The following CREB5 variants were observed in gnomAD, a reference collection of about 807,000 sequenced individuals.
CREB5 encodes the protein cyclic AMP-responsive element-binding protein 5.
A neutral mutation model predicts 57.1 loss-of-function variants in CREB5; 19 were observed. The ratio of observed to expected loss-of-function variants is 0.33; its 90% confidence interval spans 0.23 to 0.49. The LOEUF (loss-of-function observed/expected upper bound fraction) is 0.49, where lower values mean the gene tolerates loss of function less well. Among genes scored for constraint, CREB5 ranks in the 20% least tolerant of loss-of-function variants. The pLI is 0.99. For synonymous variants in CREB5, 238 were observed against 238.3 expected (o/e 1.00, Z 0.01); for missense variants, 579 against 671.6 (o/e 0.86, Z 1.52).
intron 5 of CREB5, among the ~76,000 whole-genome samples, chr7:28,627,726 G>A (rs528010391): frequency 5.9e-5 from 9 of 152,002 alleles, no homozygotes; most frequent in South Asian, 2.1e-4. Flanking sequence ...CCTCTACCCC[G>A]CACCCCTGGA....
chr7:28,465,745 T>C (rs1226757572), intron 1 of CREB5, among the ~76,000 whole-genome samples: 2 of 152,236 alleles, frequency 1.3e-5, no homozygotes, highest in Non-Finnish European at 2.9e-5. Context: ...TTGTAAAGTG[T>C]TAAAACTCTA....
intron 1 of CREB5, among the ~76,000 whole-genome samples, chr7:28,429,866 G>T (rs947926767): frequency 6.6e-6 from 1 of 152,170 alleles, no homozygotes; most frequent in Non-Finnish European, 1.5e-5. Flanking sequence ...AGGGTTAGAG[G>T]CGTTGTGTCG....
At chr7:28,416,378 C>T (rs1788026464) in intron 1 of CREB5, among the ~76,000 whole-genome samples, 1 of 152,172 alleles carries the variant, frequency 6.6e-6, no homozygotes, top group Non-Finnish European at 1.5e-5. Flanking sequence ...TTTGAATTAG[C>T]TGACTATTAG....
intron 4 of CREB5, among the ~76,000 whole-genome samples, chr7:28,560,951 CGTGTGTGTGCGTGTGT>C (rs1562798078): frequency 2.6e-5 from 1 of 38,950 alleles, no homozygotes; most frequent in African/African-American, 8.2e-5. Context: ...CGTGTGTGTG[CGTGTGTGTGCGTGTGT>C]GTGTGCGTGT....
chr7:28,708,020 C>T (rs1255631533), intron 5 of CREB5, among the ~76,000 whole-genome samples: 1 of 152,184 alleles, frequency 6.6e-6, no homozygotes, highest in African/African-American at 2.4e-5. Context: ...CCCCTTCTCC[C>T]CATGATGCCT....
chr7:28,583,704 G>GT (rs1289738882), intron 5 of CREB5, among the ~76,000 whole-genome samples: 2 of 151,962 alleles, frequency 1.3e-5, no homozygotes, highest in African/African-American at 4.8e-5. Context: ...TTGAGATGGA[G>GT]TTTCGCTCTT....
intron 4 of CREB5, among the ~76,000 whole-genome samples, chr7:28,519,002 G>T (rs1793093215): frequency 1.3e-5 from 2 of 152,182 alleles, no homozygotes; most frequent in Non-Finnish European, 2.9e-5. Context: ...TGGTTCCTAG[G>T]TAGGGGTTGT....
At chr7:28,528,061 A>G (rs752498973) in intron 4 of CREB5, among the ~76,000 whole-genome samples, 5 of 152,210 alleles carry the variant, frequency 3.3e-5, no homozygotes, top group African/African-American at 1.2e-4. Flanking sequence ...ATTGCCTTGC[A>G]CATAGAATAT....
chr7:28,682,686 G>A lies in CREB5; in HGVS notation c.465-36067G>A, dbSNP rs191788001. ...GAATAAATTCAAACCTAAAAGTGGG[G>A]GGGGGGGGAAACCCCAGCTCTCTCT... On this transcript the variant is annotated intron_variant, in intron 5 of 10. Transcript: ENST00000357727. 2.2e-4 allele frequency among the ~76,000 whole-genome samples: 33 copies of A among 147,554 alleles called. 1 individual carries two copies. Among genetic ancestry groups the A allele is most frequent in the African/African-American group, 6.2e-4 (25 of 40,080 alleles).
intron 5 of CREB5, among the ~76,000 whole-genome samples, chr7:28,651,400 A>C (rs1583481351): frequency 6.6e-6 from 1 of 152,112 alleles, no homozygotes; most frequent in East Asian, 1.9e-4. Context: ...TTAATGTCAT[A>C]GCAGCATATA....
intron 1 of CREB5, among the ~76,000 whole-genome samples, chr7:28,312,204 A>AG (rs1554301408): frequency 4.0e-5 from 6 of 151,238 alleles, no homozygotes; most frequent in African/African-American, 1.2e-4. Context: ...AAAAAAAAAA[A>AG]GTGGAATTTT....
At chr7:28,548,684 CAT>C (rs754999845) in intron 4 of CREB5, among the ~76,000 whole-genome samples, 233 of 152,292 alleles carry the variant, frequency 1.5e-3, no homozygotes, top group Non-Finnish European at 2.8e-3. Context: ...CTTTGGAAAA[CAT>C]AGCAGATTCT....
intron 5 of CREB5, among the ~76,000 whole-genome samples, chr7:28,629,450 G>A (rs1251710412): frequency 2.0e-5 from 3 of 152,198 alleles, no homozygotes; most frequent in Non-Finnish European, 4.4e-5. Context: ...AGAGCAGAGA[G>A]GATCTGGGGC....
Position 28,798,930 on chromosome 7 carries a change from G to T in CREB5, c.703-5269G>T, listed in dbSNP as rs114117368. Reference sequence around the variant, plus strand: ...ACAAGACACAGTCCAGCTTCAAAAAGAAAAATCATTCTGCAAAATACAGCT... The same window carrying T: ...ACAAGACACAGTCCAGCTTCAAAAATAAAAATCATTCTGCAAAATACAGCT... On this transcript the variant is annotated intron_variant, in intron 7 of 10. Transcript: ENST00000357727. Among the ~76,000 whole-genome samples, 467 of 152,246 alleles carry T rather than the reference G, an allele frequency of 3.1e-3. 2 individuals are homozygous for T. The highest frequency in any genetic ancestry group is 0.011 in the African/African-American group (448 of 41,550).
At chr7:28,415,008 C>T (rs1220277450) in intron 1 of CREB5, among the ~76,000 whole-genome samples, 1 of 152,068 alleles carries the variant, frequency 6.6e-6, no homozygotes, top group Non-Finnish European at 1.5e-5. Context: ...CCCCTCACCC[C>T]CTGAGAAATA....
chr7:28,300,360 C>A (rs1244798673), intron 1 of CREB5, among the ~76,000 whole-genome samples: 1 of 152,180 alleles, frequency 6.6e-6, no homozygotes, highest in Non-Finnish European at 1.5e-5. Flanking sequence ...GTCAAGGCAG[C>A]TTGGTGAAAA....
intron 4 of CREB5, among the ~76,000 whole-genome samples, chr7:28,516,521 G>A (rs1024629373): frequency 8.5e-5 from 13 of 152,170 alleles, no homozygotes; most frequent in Non-Finnish European, 1.8e-4. Flanking sequence ...AGCTCCGCAG[G>A]CACCGCCCTC....
At chr7:28,460,244 A>G (rs2128574680) in intron 1 of CREB5, among the ~76,000 whole-genome samples, 1 of 152,348 alleles carries the variant, frequency 6.6e-6, no homozygotes, top group East Asian at 1.9e-4. Flanking sequence ...GGGGGAGCAG[A>G]GATAGAAATG....
intron 5 of CREB5, among the ~76,000 whole-genome samples, chr7:28,638,135 A>G (rs1798496828): frequency 6.6e-6 from 1 of 151,980 alleles, no homozygotes; most frequent in Non-Finnish European, 1.5e-5. Context: ...CTTGTTTTGT[A>G]TGCCAAATGA....
Sources: allele counts gnomAD v4.1 joint callset (sites outside exome capture counted in the v4.1 genomes callset), GRCh38; gene constraint gnomAD v4.1.1; transcripts MANE v1.5; gene names NCBI Gene and HGNC (gene_info 2026-07-23, HGNC 2026-07-21).